The following PRSS23 variants were observed in gnomAD, a reference collection of about 807,000 sequenced individuals.
The protein encoded by PRSS23 is serine protease 23.
Under a neutral mutation model 34.7 loss-of-function variants are expected in PRSS23, and 25 were observed. The ratio of observed to expected loss-of-function variants is 0.72; its 90% CI spans 0.53 to 1.01. The LOEUF (loss-of-function observed/expected upper bound fraction) is 1.01. Ranked by LOEUF, PRSS23 falls within the 50% of genes least tolerant of loss-of-function variation. The pLI, the probability that PRSS23 is intolerant of heterozygous loss-of-function variation, is 0.00. For synonymous variants in PRSS23, 176 were observed against 186.6 expected (o/e 0.94, Z 0.46); for missense variants, 445 against 475.6 (o/e 0.94, Z 0.60).
At chr11:86,862,132 T>C (rs1354331226) in intron 2 of PRSS23, among the ~76,000 whole-genome samples, 1 of 151,756 alleles carries the variant, frequency 6.6e-6, no homozygotes, top group Non-Finnish European at 1.5e-5. Context: ...TTGTAGTATC[T>C]GTTGGGGAGA....
At chr11:86,882,503 C>T (rs1948778152) in intron 2 of PRSS23, among the ~76,000 whole-genome samples, 1 of 152,026 alleles carries the variant, frequency 6.6e-6, no homozygotes, top group African/African-American at 2.4e-5. Context: ...ATAATGGCCT[C>T]CAGCTCCATC....
intron 2 of PRSS23, among the ~76,000 whole-genome samples, chr11:86,827,647 C>A (rs533303356): frequency 6.6e-6 from 1 of 152,084 alleles, no homozygotes; most frequent in East Asian, 1.9e-4. Context: ...ATAAATTTCC[C>A]TCTACACACT....
intron 2 of PRSS23, among the ~76,000 whole-genome samples, chr11:86,879,850 C>T (rs1590910034): frequency 7.5e-5 from 10 of 132,612 alleles, no homozygotes; most frequent in South Asian, 5.2e-4. Flanking sequence ...CCCGGCCAGC[C>T]GCCCCGTCCG....
chr11:86,808,026 G>A lies in PRSS23; in HGVS notation c.383G>A (p.Arg128Gln), dbSNP rs748242565. The A allele has an allele frequency of 1.3e-5, 21 of 1,613,692 alleles. No homozygotes were observed. The highest frequency in any genetic ancestry group is 1.7e-5 in the Non-Finnish European group (20 of 1,179,994). ...TCTTCAGGAAAGTCTCGAAGGAAGC[G>A]GCAGATTTATGGCTATGACAGCAGG... ...SGSSGKSRRK[R>Q]QIYGYDSRFS... Residue 128 changes from arginine (R) to glutamine (Q), a missense_variant, in exon 2 of 2, where the codon CGG (arginine) becomes CAG (glutamine). Physicochemically the swap from Arg to Gln is conservative, Grantham distance 43. Coordinates refer to ENST00000280258, the MANE Select transcript of PRSS23 (RefSeq NM_007173.6).
intron 1 of PRSS23, among the ~76,000 whole-genome samples, chr11:86,804,774 C>T (rs1219966577): frequency 2.0e-5 from 3 of 152,032 alleles, no homozygotes; most frequent in Non-Finnish European, 4.4e-5. Context: ...ATCATTTTGC[C>T]AAAGAATACA....
chr11:86,849,338 C>T (rs1265434875), intron 2 of PRSS23, among the ~76,000 whole-genome samples: 1 of 152,172 alleles, frequency 6.6e-6, no homozygotes, highest in African/African-American at 2.4e-5. Flanking sequence ...AAGTCCCACA[C>T]CCTTATTAAG....
intron 2 of PRSS23, chr11:86,857,553 T>C: frequency 2.1e-6 from 1 of 473,562 alleles, no homozygotes; most frequent in Admixed American, 2.3e-5. Flanking sequence ...TCCAACAGGC[T>C]AAGGAAAAAG....
rs200703536 is a variant in PRSS23 at position 86,823,407 on chromosome 11, T to G, written c.20T>G (p.Val7Gly). The G allele has an allele frequency of 5.0e-5, 35 of 702,270 alleles. No individual in the cohort carries two copies. In the East Asian group the frequency reaches 8.8e-4, roughly 18 times the overall value. 43.5% of individuals were successfully genotyped at this position (702,270 alleles called of 1,614,324 possible). The change falls in exon 2 of 3, where the codon GTG (valine) becomes GGG (glycine). Residue 7 changes from valine (V) to glycine (G), a missense_variant. By Grantham distance (109) the Val-to-Gly change is moderately radical (BLOSUM62 -3). Transcript: ENST00000533902. ...TCCCTAATGAGTAGAATGAGACCTG[T>G]GTGCCAACCCTGGCCTAGTCCTCAT...
chr11:86,951,256 A>T (rs761378697), exon 3 of PRSS23: 6 of 1,614,070 alleles, frequency 3.7e-6, no homozygotes, highest in Non-Finnish European at 5.1e-6. Flanking sequence ...ACGTGTGAAG[A>T]GTTTTGGCAG....
intron 2 of PRSS23, among the ~76,000 whole-genome samples, chr11:86,830,567 T>G (rs1948345725): frequency 6.6e-6 from 1 of 152,180 alleles, no homozygotes; most frequent in Non-Finnish European, 1.5e-5. Flanking sequence ...AATGCAGAAA[T>G]CACCCATCTT....
At chr11:86,949,400 G>A (rs1327648440) in intron 2 of PRSS23, 2 of 143,638 alleles carry the variant, frequency 1.4e-5, no homozygotes, top group East Asian at 2.1e-4. Flanking sequence ...TCCACAAAGT[G>A]TGATTGAAAA....
At chr11:86,854,612 C>T (rs1441934822) in intron 2 of PRSS23, among the ~76,000 whole-genome samples, 1 of 152,102 alleles carries the variant, frequency 6.6e-6, no homozygotes, top group Non-Finnish European at 1.5e-5. Flanking sequence ...AAGGTTTTGG[C>T]AGCGTTTTCA....
chr11:86,929,345 AAC>A (rs1222029988), intron 2 of PRSS23, among the ~76,000 whole-genome samples: 8 of 151,448 alleles, frequency 5.3e-5, no homozygotes, highest in African/African-American at 1.9e-4. Flanking sequence ...CAAAAAAAAA[AAC>A]CCCACAAACT....
In PRSS23 at chr11:86,944,571, A is replaced by G. The variant is rs1344729253; in HGVS notation, c.207-6645A>G. ...CTACGTCTTGGCTTCTCCACTCTAAAGGAAGGTTGTCAGACCTGCCCTACT... is the reference window on the plus strand; with the variant it reads ...CTACGTCTTGGCTTCTCCACTCTAAGGGAAGGTTGTCAGACCTGCCCTACT... On this transcript the variant is annotated intron_variant, in intron 2 of 2. Coordinates refer to the PRSS23 transcript ENST00000533902. Among the ~76,000 whole-genome samples the G allele has an allele frequency of 2.6e-5, 4 of 152,288 alleles. No individual in the cohort carries two copies. The East Asian group carries it at 7.7e-4, about 29-fold the overall frequency.
chr11:86,806,847 A>G (rs1423926332), intron 1 of PRSS23, among the ~76,000 whole-genome samples: 1 of 152,256 alleles, frequency 6.6e-6, no homozygotes, highest in African/African-American at 2.4e-5. Flanking sequence ...ACCAATGGTA[A>G]CAGTTCATAG....
At chr11:86,891,144 C>A (rs770518355) in intron 2 of PRSS23, among the ~76,000 whole-genome samples, 1 of 152,110 alleles carries the variant, frequency 6.6e-6, no homozygotes, top group African/African-American at 2.4e-5. Flanking sequence ...TCAGACTGAG[C>A]CTGTGAGACA....
At chr11:86,826,917 G>C (rs1293393085) in intron 2 of PRSS23, among the ~76,000 whole-genome samples, 9 of 152,084 alleles carry the variant, frequency 5.9e-5, no homozygotes, top group Admixed American at 5.9e-4. Context: ...GAGGATTTTT[G>C]CATCGATGTT....
upstream of PRSS23, among the ~76,000 whole-genome samples, chr11:86,798,419 A>C (rs1022670979): frequency 3.3e-5 from 5 of 152,154 alleles, no homozygotes; most frequent in African/African-American, 1.2e-4. Context: ...TTGCAATGAC[A>C]TATGGTGTGG....
intron 1 of PRSS23, among the ~76,000 whole-genome samples, chr11:86,793,846 C>T (rs1418516327): frequency 6.6e-6 from 1 of 152,126 alleles, no homozygotes; most frequent in Non-Finnish European, 1.5e-5. Flanking sequence ...AGATTTCCTA[C>T]TCATAAGGAG....
Sources: gnomAD v4.1 joint callset for allele counts (sites outside exome capture counted in the v4.1 genomes callset) on GRCh38, gnomAD v4.1.1 for gene constraint, MANE v1.5 for transcripts, NCBI Gene and HGNC (gene_info 2026-07-23, HGNC 2026-07-21) for gene names.